TDRD9: variants seen among roughly 807,000 people sequenced by gnomAD.
TDRD9 encodes ATP-dependent RNA helicase TDRD9.
TDRD9 carries 124 observed loss-of-function variants against 172.6 expected under a neutral mutation model. The observed-to-expected ratio is 0.72, with a 90% CI of 0.62 to 0.83. The LOEUF (loss-of-function observed/expected upper bound fraction) is 0.83, where lower values mean the gene tolerates loss of function less well. Ranked by LOEUF, TDRD9 falls within the 40% of genes least tolerant of loss-of-function variation. The pLI, the probability that TDRD9 is intolerant of heterozygous loss-of-function variation, is 0.00. For synonymous variants in TDRD9, 619 were observed against 617.1 expected (o/e 1.00, Z -0.05); for missense variants, 1,479 against 1,714.1 (o/e 0.86, Z 2.42).
At chr14:103,968,871 T>TG (rs1188843749) in intron 5 of TDRD9, among the ~76,000 whole-genome samples, 1 of 141,434 alleles carries the variant, frequency 7.1e-6, no homozygotes, top group African/African-American at 2.6e-5. Flanking sequence ...GAGGCCGAGG[T>TG]GGGCGGATCA....
At chr14:103,950,666 C>G (rs1461912281) in intron 1 of TDRD9, among the ~76,000 whole-genome samples, 1 of 152,122 alleles carries the variant, frequency 6.6e-6, no homozygotes, top group Non-Finnish European at 1.5e-5. Context: ...ACCAGATACA[C>G]TATGTGAATG....
chr14:103,994,015 A>G (rs1259500492), intron 9 of TDRD9, among the ~76,000 whole-genome samples: 1 of 152,240 alleles, frequency 6.6e-6, no homozygotes, highest in Non-Finnish European at 1.5e-5. Flanking sequence ...TTGCATGCTC[A>G]TTATAGAAAA....
rs2034194679 is a variant in TDRD9, at chr14:103,999,687, TAAAATA to T, written c.1483+960_1483+965del. Among the ~76,000 whole-genome samples, 3 of 114,180 alleles carry T rather than the reference TAAAATA, an allele frequency of 2.6e-5. 1 individual carries two copies. Among genetic ancestry groups the T allele is most frequent in the African/African-American group, 1.0e-4 (3 of 29,322 alleles). 74.9% of individuals were successfully genotyped at this position (114,180 alleles called of 152,430 possible). On this transcript the variant is annotated intron_variant, in intron 13 of 35. Transcript: ENST00000409874. ...AGATAAAAGACCATTTCAAGAATAC[TAAAATA>T]CTAAATACACCCCCCAAAATAATAA...
chr14:103,928,491 C>G lies in TDRD9; in HGVS notation c.-19C>G, dbSNP rs1368433446. The G allele has an allele frequency of 4.9e-6, 7 of 1,431,282 alleles. No individual in the cohort carries two copies. The highest frequency in any genetic ancestry group is 3.2e-5 in the East Asian group (1 of 30,928). The allele number at this position is 1,431,282 out of a possible 1,614,324, so 88.7% of individuals were successfully genotyped here. On this transcript the variant is annotated 5_prime_UTR_variant, in exon 1 of 36. Coordinates refer to ENST00000409874, the MANE Select transcript of TDRD9 (RefSeq NM_153046.3). ...CGGAGACCCGGCAGTTGGGGGATGC[C>G]GACGCCTGGGCCTTGAGGATGCTGC...
chr14:104,034,862 AG>A, intron 31 of TDRD9, 97 bp from the exon 32 acceptor site: 1 of 834,840 alleles, frequency 1.2e-6, no homozygotes, highest in Non-Finnish European at 1.9e-6. Flanking sequence ...TCAGCAGAGG[AG>A]GGGATACCTG....
intron 33 of TDRD9, 92 bp from the exon 34 acceptor site, chr14:104,041,977 A>C (rs2035623067): frequency 1.1e-6 from 1 of 870,832 alleles, no homozygotes; most frequent in African/African-American, 1.6e-5. Context: ...GATGACAGAG[A>C]ATACTAACTC....
At chr14:104,022,360 C>T (rs760122496) in intron 24 of TDRD9, 30 bp downstream of exon 24, 93 of 1,597,450 alleles carry the variant, frequency 5.8e-5, no homozygotes, top group Non-Finnish European at 1.0e-5. Flanking sequence ...GGCAGACAGG[C>T]CGTGCCTGCT....
intron 1 of TDRD9, among the ~76,000 whole-genome samples, chr14:103,930,716 G>A (rs1389353726): frequency 1.3e-5 from 2 of 152,104 alleles, no homozygotes; most frequent in African/African-American, 4.8e-5. Context: ...GAGCTACTCT[G>A]GTAAATGATC....
intron 13 of TDRD9, among the ~76,000 whole-genome samples, chr14:104,002,040 C>G (rs2034276410): frequency 6.6e-6 from 1 of 151,852 alleles, no homozygotes; most frequent in South Asian, 2.1e-4. Flanking sequence ...AAAATTTTGG[C>G]CAGACACAGT....
chr14:104,037,765 G>A (rs2152260600), intron 32 of TDRD9, among the ~76,000 whole-genome samples: 1 of 152,244 alleles, frequency 6.6e-6, no homozygotes, highest in East Asian at 1.9e-4. Context: ...AACTCAGGGT[G>A]ACTGAGCCTT....
At chr14:103,946,984 T>C (rs1322888740) in intron 1 of TDRD9, among the ~76,000 whole-genome samples, 1 of 152,126 alleles carries the variant, frequency 6.6e-6, no homozygotes, top group African/African-American at 2.4e-5. Flanking sequence ...ACAGATTCAA[T>C]GCAATCTCTG....
intron 30 of TDRD9, 139 bp from the exon 31 acceptor site, chr14:104,033,821 T>G (rs1039260097): frequency 4.2e-5 from 26 of 620,124 alleles, no homozygotes; most frequent in Admixed American, 9.2e-5. Flanking sequence ...TGCAGGAGAG[T>G]GGGGGGTTAA....
chr14:103,934,944 G>A (rs1415338757), intron 1 of TDRD9, among the ~76,000 whole-genome samples: 1 of 152,224 alleles, frequency 6.6e-6, no homozygotes, highest in Non-Finnish European at 1.5e-5. Context: ...GACTAACATT[G>A]CAAATCTGTG....
chr14:103,974,672 G>A (rs1407969684), intron 6 of TDRD9, among the ~76,000 whole-genome samples: 1 of 151,998 alleles, frequency 6.6e-6, no homozygotes, highest in African/African-American at 2.4e-5. Context: ...ACAGGATCTT[G>A]CTCTGTTGCC....
At chr14:104,043,403 G>T (rs1165490754) in intron 34 of TDRD9, among the ~76,000 whole-genome samples, 1 of 152,024 alleles carries the variant, frequency 6.6e-6, no homozygotes, top group Non-Finnish European at 1.5e-5. Context: ...ACCATGCCCA[G>T]CTAATTTTTA....
In TDRD9 at chr14:103,952,214, ATATATATTTTTTTTTTTTTTTTTT is replaced by A. The variant is rs1277435339; in HGVS notation, c.216-3448_216-3425del. On this transcript the variant is annotated intron_variant, in intron 1 of 35. Coordinates refer to ENST00000409874, the MANE Select transcript of TDRD9 (RefSeq NM_153046.3). Reference sequence around the variant, plus strand: ...TGTATATATATATATATATATATATATATATATTTTTTTTTTTTTTTTTTTTTTTTTTTTTTTTTTTTTTGAGGC... The same window carrying A: ...TGTATATATATATATATATATATATATTTTTTTTTTTTTTTTTTTTGAGGC... 1.0e-3 allele frequency among the ~76,000 whole-genome samples: 59 copies of A among 57,390 alleles called. 2 individuals are homozygous for A. The highest frequency in any genetic ancestry group is 4.7e-3 in the African/African-American group (52 of 11,028). 37.7% of individuals were successfully genotyped at this position (57,390 alleles called of 152,430 possible).
chr14:103,948,347 A>T (rs925092098), intron 1 of TDRD9, among the ~76,000 whole-genome samples: 1 of 152,066 alleles, frequency 6.6e-6, no homozygotes, highest in African/African-American at 2.4e-5. Context: ...GCAAAACAGG[A>T]GTTGGTGAGG....
intron 1 of TDRD9, among the ~76,000 whole-genome samples, chr14:103,955,125 T>C (rs559127873): frequency 6.6e-6 from 1 of 151,958 alleles, no homozygotes; most frequent in Non-Finnish European, 1.5e-5. Context: ...GGTTTCACCA[T>C]GTTGCCCAGG....
chr14:104,022,463 C>T, intron 24 of TDRD9, 133 bp downstream of exon 24: 1 of 919,818 alleles, frequency 1.1e-6, no homozygotes, highest in African/African-American at 1.7e-5. Context: ...TGTGGGGGCT[C>T]ACGCCACTCA....
Sources: allele counts gnomAD v4.1 joint callset (sites outside exome capture counted in the v4.1 genomes callset), GRCh38; gene constraint gnomAD v4.1.1; transcripts MANE v1.5; gene names NCBI Gene and HGNC (gene_info 2026-07-23, HGNC 2026-07-21).